DOK6: variants seen among roughly 807,000 people sequenced by gnomAD.
The protein encoded by DOK6 is downstream of tyrosine kinase 6.
DOK6 carries 22 observed loss-of-function variants against 44.0 expected under a neutral mutation model. That is an observed-to-expected ratio of 0.50 (90% CI 0.36 to 0.71). The LOEUF (loss-of-function observed/expected upper bound fraction) is 0.71. Among genes scored for constraint, DOK6 ranks in the 30% least tolerant of loss-of-function variants. The pLI, the probability that DOK6 is intolerant of heterozygous loss-of-function variation, is 0.00. For synonymous variants in DOK6, 166 were observed against 145.5 expected (o/e 1.14, Z -1.01); for missense variants, 340 against 416.4 (o/e 0.82, Z 1.60).
chr18:69,778,049 C>G (rs1227936327), intron 7 of DOK6: 1 of 151,924 alleles, frequency 6.6e-6, no homozygotes, highest in Non-Finnish European at 1.5e-5. Flanking sequence ...TTTTTATAAG[C>G]ACTTAGAAAT....
intron 3 of DOK6, among the ~76,000 whole-genome samples, chr18:69,610,209 A>G (rs1984105077): frequency 6.6e-6 from 1 of 152,218 alleles, no homozygotes; most frequent in South Asian, 2.1e-4. Flanking sequence ...ATGAGTTCTC[A>G]CGTTTATTTC....
intron 3 of DOK6, among the ~76,000 whole-genome samples, chr18:69,669,668 G>T (rs1336536806): frequency 1.3e-5 from 2 of 151,784 alleles, no homozygotes; most frequent in Non-Finnish European, 2.9e-5. Context: ...ACCCCTTCCC[G>T]CACCCCCCCG....
rs575000942 is a variant in DOK6, at chr18:69,552,549, G to T, written c.67-11938G>T. The stretch of plus-strand genomic sequence containing the variant: ...TTATACATGTGTATTTATTGATAAG[G>T]CATGAAGTTCAGAACATTTGCTATG... On this transcript the variant is annotated intron_variant, in intron 1 of 7. Coordinates refer to ENST00000382713, the MANE Select transcript of DOK6 (RefSeq NM_152721.6). Among the ~76,000 whole-genome samples, 181 of 152,234 alleles carry T rather than the reference G, an allele frequency of 1.2e-3. 1 individual carries two copies. In the Middle Eastern group the frequency reaches 0.014, roughly 11 times the overall value.
At chr18:69,456,694 G>A (rs1979642428) in intron 1 of DOK6, among the ~76,000 whole-genome samples, 3 of 152,092 alleles carry the variant, frequency 2.0e-5, no homozygotes, top group Admixed American at 6.6e-5. Flanking sequence ...TCAAATGGTA[G>A]CTCCATTTTA....
chr18:69,604,736 T>C (rs1331505628), intron 3 of DOK6, among the ~76,000 whole-genome samples: 1 of 152,164 alleles, frequency 6.6e-6, no homozygotes, highest in East Asian at 1.9e-4. Context: ...TATTTTTAGA[T>C]AAATGTTAAG....
chr18:69,422,924 G>A (rs956307101), intron 1 of DOK6, among the ~76,000 whole-genome samples: 7 of 152,258 alleles, frequency 4.6e-5, no homozygotes, highest in Middle Eastern at 3.4e-3. Flanking sequence ...CAAGCATGAT[G>A]GAAATTGCAG....
intron 3 of DOK6, among the ~76,000 whole-genome samples, chr18:69,658,519 T>G (rs1415150328): frequency 6.6e-6 from 1 of 152,226 alleles, no homozygotes; most frequent in African/African-American, 2.4e-5. Context: ...TTGCTATTAT[T>G]ATTATACAAG....
chr18:69,630,412 G>A (rs1984663373), intron 3 of DOK6, among the ~76,000 whole-genome samples: 1 of 152,044 alleles, frequency 6.6e-6, no homozygotes. Context: ...TTAACATTTA[G>A]TAGCATTTAT....
Position 69,738,900 on chromosome 18 carries a change from G to A in DOK6, c.600-65G>A, listed in dbSNP as rs556600051. On this transcript the variant is annotated intron_variant, in intron 5 of 7. Transcript: ENST00000382713. ...GCACAAGGGCAAGGGCTTTGTCTACGTGGAAAACTGTTATGCACTTGAACA... is the reference window on the plus strand; with the variant it reads ...GCACAAGGGCAAGGGCTTTGTCTACATGGAAAACTGTTATGCACTTGAACA... 39 of 1,578,902 alleles carry A rather than the reference G, an allele frequency of 2.5e-5. 1 individual carries two copies. Among genetic ancestry groups the A allele is most frequent in the African/African-American group, 8.1e-5 (6 of 74,384 alleles).
chr18:69,723,463 G>A (rs1978292587), intron 5 of DOK6, among the ~76,000 whole-genome samples: 1 of 152,208 alleles, frequency 6.6e-6, no homozygotes. Context: ...GGGGACAATT[G>A]CTAGTTTGAT....
chr18:69,690,029 T>G (rs1021859045), intron 4 of DOK6, among the ~76,000 whole-genome samples: 2 of 152,138 alleles, frequency 1.3e-5, no homozygotes, highest in Admixed American at 6.5e-5. Flanking sequence ...AACAGAAATC[T>G]CTAAGGTTTA....
At chr18:69,425,008 T>C (rs1978598407) in intron 1 of DOK6, among the ~76,000 whole-genome samples, 1 of 152,098 alleles carries the variant, frequency 6.6e-6, no homozygotes, top group South Asian at 2.1e-4. Context: ...GTGTGCCAGA[T>C]TAGGTCAAAT....
intron 7 of DOK6, among the ~76,000 whole-genome samples, chr18:69,804,120 G>A (rs1330423448): frequency 6.6e-6 from 1 of 152,126 alleles, no homozygotes; most frequent in Non-Finnish European, 1.5e-5. Context: ...TCCCAGAAGA[G>A]AGCAATACAA....
intron 6 of DOK6, among the ~76,000 whole-genome samples, chr18:69,756,670 G>A (rs1383379885): frequency 6.6e-6 from 1 of 152,186 alleles, no homozygotes; most frequent in Admixed American, 6.5e-5. Flanking sequence ...TATGAAGGGT[G>A]GTAAGAGTCA....
chr18:69,451,864 C>G (rs1421717226), intron 1 of DOK6, among the ~76,000 whole-genome samples: 46 of 92,860 alleles, frequency 5.0e-4, no homozygotes, highest in African/African-American at 1.9e-3. Flanking sequence ...TTGAAACCAA[C>G]GAGAACAAAG....
chr18:69,621,122 A>G (rs989708453), intron 3 of DOK6, among the ~76,000 whole-genome samples: 1 of 152,114 alleles, frequency 6.6e-6, no homozygotes, highest in Non-Finnish European at 1.5e-5. Context: ...ACACTGTTTC[A>G]TCCTGAATTT....
chr18:69,479,208 G>T (rs977905332), intron 1 of DOK6, among the ~76,000 whole-genome samples: 1 of 152,056 alleles, frequency 6.6e-6, no homozygotes, highest in African/African-American at 2.4e-5. Flanking sequence ...GAGGAATGGA[G>T]ATATTAAGTT....
intron 1 of DOK6, among the ~76,000 whole-genome samples, chr18:69,421,428 T>C (rs1318024786): frequency 6.6e-6 from 1 of 152,202 alleles, no homozygotes; most frequent in East Asian, 1.9e-4. Flanking sequence ...CTGTGGACTT[T>C]CCTTCTTCAT....
intron 1 of DOK6, among the ~76,000 whole-genome samples, chr18:69,550,152 ATAAAGTTT>A (rs1982523104): frequency 7.0e-6 from 1 of 143,640 alleles, no homozygotes; most frequent in Admixed American, 6.9e-5. Context: ...TTAATAATAC[ATAAAGTTT>A]TAAAATTCAA....
Sources: allele counts gnomAD v4.1 joint callset (sites outside exome capture counted in the v4.1 genomes callset), GRCh38; gene constraint gnomAD v4.1.1; transcripts MANE v1.5; gene names NCBI Gene and HGNC (gene_info 2026-07-23, HGNC 2026-07-21).